The following PLXNA4 variants were observed in gnomAD, a reference collection of about 807,000 sequenced individuals.
PLXNA4 encodes plexin-A4.
In PLXNA4, 44 loss-of-function variants were observed where a neutral mutation model predicts 191.8. That is an observed-to-expected ratio of 0.23 (90% CI 0.18 to 0.29). The LOEUF is 0.29. Ranked by LOEUF, PLXNA4 falls within the 10% of genes least tolerant of loss-of-function variation. The pLI is 1.00. For missense variants in PLXNA4, 1,800 were observed against 2,488.8 expected, an observed-to-expected ratio of 0.72 and a Z score of 5.89; for synonymous variants, 1,082 against 1,009.5, an observed-to-expected ratio of 1.07 and a Z score of -1.36.
rs902909578 is a variant in PLXNA4 at position 132,332,697 on chromosome 7, T to A, written c.1372-34475A>T. Among the ~76,000 whole-genome samples, 532 of 148,226 alleles carry A rather than the reference T, an allele frequency of 3.6e-3. 3 individuals are homozygous for A. The highest frequency in any genetic ancestry group is 0.013 in the African/African-American group (515 of 40,302). On this transcript the variant is annotated intron_variant, in intron 3 of 31. Transcript: ENST00000321063. ...GACCCCATTTCTAAAAAAAAAAAAATACAAAACTAAACTTAGCTGGGTGTG... is the reference window on the plus strand; with the variant it reads ...GACCCCATTTCTAAAAAAAAAAAAAAACAAAACTAAACTTAGCTGGGTGTG...
intron 4 of PLXNA4, among the ~76,000 whole-genome samples, chr7:132,270,393 C>A (rs1288968478): frequency 6.6e-6 from 1 of 152,206 alleles, no homozygotes; most frequent in African/African-American, 2.4e-5. Context: ...CCCCTGAGGG[C>A]TAGAGCCAGA....
At chr7:132,423,443 G>T (rs555244505) in intron 3 of PLXNA4, among the ~76,000 whole-genome samples, 8 of 152,198 alleles carry the variant, frequency 5.3e-5, no homozygotes, top group African/African-American at 1.7e-4. Flanking sequence ...AGAATGAAGG[G>T]GTTTCCCTCT....
At chr7:132,289,135 C>A (rs1040172042) in intron 4 of PLXNA4, among the ~76,000 whole-genome samples, 1 of 152,198 alleles carries the variant, frequency 6.6e-6, no homozygotes, top group Non-Finnish European at 1.5e-5. Flanking sequence ...CCTCTTCCCT[C>A]CAGAGAGGCT....
chr7:132,208,922 T>C (rs2116891863), intron 10 of PLXNA4, among the ~76,000 whole-genome samples: 1 of 152,318 alleles, frequency 6.6e-6, no homozygotes, highest in East Asian at 1.9e-4. Flanking sequence ...CACACCCACG[T>C]TCGGGGAGTT....
At chr7:132,356,120 G>A (rs561525297) in intron 3 of PLXNA4, among the ~76,000 whole-genome samples, 2 of 152,280 alleles carry the variant, frequency 1.3e-5, no homozygotes, top group South Asian at 4.1e-4. Flanking sequence ...CTCATACAAG[G>A]TGAAGACATC....
At chr7:132,456,817 G>C (rs1340176511) in intron 3 of PLXNA4, among the ~76,000 whole-genome samples, 4 of 152,206 alleles carry the variant, frequency 2.6e-5, no homozygotes, top group Non-Finnish European at 5.9e-5. Flanking sequence ...CCACCTGGGA[G>C]ACCTTGGATG....
chr7:132,262,698 GGA>G (rs1232004889), intron 4 of PLXNA4, among the ~76,000 whole-genome samples: 1 of 151,986 alleles, frequency 6.6e-6, no homozygotes, highest in African/African-American at 2.4e-5. Flanking sequence ...CGTGCACTAA[GGA>G]GAGAGGCACC....
At chr7:132,285,728 T>C (rs1379812053) in intron 4 of PLXNA4, among the ~76,000 whole-genome samples, 6 of 152,174 alleles carry the variant, frequency 3.9e-5, no homozygotes, top group African/African-American at 1.4e-4. Flanking sequence ...TCAAACGGAG[T>C]GTAAAATGTA....
intron 4 of PLXNA4, among the ~76,000 whole-genome samples, chr7:132,293,700 G>GA (rs1800975057): frequency 6.6e-6 from 1 of 152,206 alleles, no homozygotes; most frequent in African/African-American, 2.4e-5. Flanking sequence ...TCTACCACCA[G>GA]TTTTTTTACA....
chr7:132,368,354 C>G (rs1804279840), intron 3 of PLXNA4, among the ~76,000 whole-genome samples: 2 of 152,102 alleles, frequency 1.3e-5, no homozygotes, highest in Non-Finnish European at 2.9e-5. Flanking sequence ...GGGAAGAGAG[C>G]TGGATGGGGA....
chr7:132,177,024 AGTGT>A (rs1307003599), intron 20 of PLXNA4, among the ~76,000 whole-genome samples: 12 of 143,126 alleles, frequency 8.4e-5, no homozygotes, highest in South Asian at 2.3e-4. Context: ...TGCAAGTGTG[AGTGT>A]GTAAGTATAT....
chr7:132,273,563 T>C (rs1427113650), intron 4 of PLXNA4, among the ~76,000 whole-genome samples: 3 of 152,198 alleles, frequency 2.0e-5, no homozygotes, highest in Non-Finnish European at 4.4e-5. Context: ...GGTAGTATTA[T>C]GCTGCATGGT....
chr7:132,269,252 A>C (rs978252124), intron 4 of PLXNA4, among the ~76,000 whole-genome samples: 2 of 152,204 alleles, frequency 1.3e-5, no homozygotes, highest in African/African-American at 4.8e-5. Flanking sequence ...ATGATAAAAT[A>C]ATAGTACACT....
chr7:132,257,071 G>A lies in PLXNA4; in HGVS notation c.1504-15905C>T, dbSNP rs558584830. On this transcript the variant is annotated intron_variant, in intron 4 of 31. Transcript: ENST00000321063. ...GGTTAAGCGACTTGCTCAAGGTCAC[G>A]CAGCCTGTGAATGGCAGTGCCAGGT... 6.6e-5 allele frequency among the ~76,000 whole-genome samples: 10 copies of A among 152,332 alleles called. No homozygotes were observed. The East Asian group carries it at 7.7e-4, about 12-fold the overall frequency.
At chr7:132,327,953 A>G (rs1802436522) in intron 3 of PLXNA4, among the ~76,000 whole-genome samples, 1 of 152,098 alleles carries the variant, frequency 6.6e-6, no homozygotes, top group African/African-American at 2.4e-5. Flanking sequence ...CTGTGTGGGG[A>G]CACAGGTGAG....
At chr7:132,255,437 G>A (rs538150763) in intron 4 of PLXNA4, among the ~76,000 whole-genome samples, 2 of 152,250 alleles carry the variant, frequency 1.3e-5, no homozygotes, top group Admixed American at 6.5e-5. Context: ...TGTCCTTATA[G>A]GCACGACCAC....
chr7:132,563,918 T>TTTC (rs1801547101), intron 1 of PLXNA4, among the ~76,000 whole-genome samples: 1 of 95,556 alleles, frequency 1.0e-5, no homozygotes, highest in Non-Finnish European at 2.1e-5. Context: ...TCCTCCTCCT[T>TTTC]CTCCTCCTTT....
chr7:132,562,307 C>T (rs1445963604), intron 1 of PLXNA4, among the ~76,000 whole-genome samples: 7 of 120,006 alleles, frequency 5.8e-5, no homozygotes, highest in Admixed American at 8.0e-5. Context: ...TCCTTCTCCT[C>T]TTCCTCCTCT....
intron 17 of PLXNA4, 60 bp from the exon 18 acceptor site, chr7:132,181,680 T>C (rs903305486): frequency 1.3e-6 from 2 of 1,589,678 alleles, no homozygotes; most frequent in East Asian, 4.5e-5. Context: ...ACAGCCCCAG[T>C]GCACATAGTG....
Sources: allele counts gnomAD v4.1 joint callset (sites outside exome capture counted in the v4.1 genomes callset), GRCh38; gene constraint gnomAD v4.1.1; transcripts MANE v1.5; gene names NCBI Gene and HGNC (gene_info 2026-07-23, HGNC 2026-07-21).